LYRM4: variants seen among roughly 807,000 people sequenced by gnomAD.
The protein encoded by LYRM4 is LYR motif containing 4.
Under a neutral mutation model 11.7 loss-of-function variants are expected in LYRM4, and 9 were observed. The ratio of observed to expected loss-of-function variants is 0.77; its 90% confidence interval spans 0.46 to 1.34. The LOEUF is 1.34. Among genes scored for constraint, LYRM4 ranks in the 40% most tolerant of loss-of-function variants. The pLI, the probability that LYRM4 is intolerant of heterozygous loss-of-function variation, is 0.00. For synonymous variants in LYRM4, 42 were observed against 40.4 expected (o/e 1.04, Z -0.15); for missense variants, 133 against 112.5 (o/e 1.18, Z -0.82).
chr6:5,111,662 G>A (rs909801097), intron 2 of LYRM4, among the ~76,000 whole-genome samples: 2 of 152,182 alleles, frequency 1.3e-5, no homozygotes, highest in African/African-American at 4.8e-5. Context: ...TGACAGCCGC[G>A]TGGTCTCTGA....
At chr6:5,037,763 C>T in the LYRM4 span, among the ~76,000 whole-genome samples, 5 of 53,122 alleles carry the variant, frequency 9.4e-5, no homozygotes, top group African/African-American at 1.5e-4. Flanking sequence ...TAGGGGCGGC[C>T]GGGCAGAGGC....
At chr6:5,130,120 G>T (rs572002225) in intron 2 of LYRM4, among the ~76,000 whole-genome samples, 1 of 152,248 alleles carries the variant, frequency 6.6e-6, no homozygotes, top group South Asian at 2.1e-4. Flanking sequence ...GCCCTGAATA[G>T]ACTATGCTTC....
chr6:5,186,052 T>A (rs1446675342), intron 2 of LYRM4, among the ~76,000 whole-genome samples: 4 of 152,152 alleles, frequency 2.6e-5, no homozygotes, highest in African/African-American at 9.7e-5. Flanking sequence ...ACCCTGGGTA[T>A]CTGTGCAGGA....
intron 2 of LYRM4, among the ~76,000 whole-genome samples, chr6:5,152,936 T>C (rs1194457170): frequency 6.6e-6 from 1 of 152,236 alleles, no homozygotes; most frequent in Admixed American, 6.5e-5. Context: ...ATTTTATTTA[T>C]GTGACAACTA....
the LYRM4 span, among the ~76,000 whole-genome samples, chr6:5,095,305 G>T: frequency 2.5e-4 from 38 of 152,236 alleles, no homozygotes; most frequent in African/African-American, 8.7e-4. Flanking sequence ...AAATTTAACA[G>T]AGTTTAACCA....
the LYRM4 span, among the ~76,000 whole-genome samples, chr6:5,095,545 C>G: frequency 1.3e-5 from 2 of 152,156 alleles, no homozygotes; most frequent in African/African-American, 4.8e-5. Flanking sequence ...ATGATTGGCA[C>G]AAATGTAGGT....
chr6:5,110,311 A>G (rs1441374774), intron 2 of LYRM4, among the ~76,000 whole-genome samples: 1 of 104,346 alleles, frequency 9.6e-6, no homozygotes, highest in Non-Finnish European at 2.1e-5. Context: ...AAGCAAACAG[A>G]GCAGCCAGGG....
chr6:5,163,264 T>G (rs1468682700), intron 2 of LYRM4, among the ~76,000 whole-genome samples: 1 of 152,204 alleles, frequency 6.6e-6, no homozygotes, highest in African/African-American at 2.4e-5. Context: ...TCAAGACATC[T>G]TTCCCTTCAA....
At chr6:5,058,009 C>T in the LYRM4 span, among the ~76,000 whole-genome samples, 1 of 152,140 alleles carries the variant, frequency 6.6e-6, no homozygotes, top group East Asian at 1.9e-4. Context: ...GCCTCGGCCT[C>T]CCAAAGTGCT....
chr6:5,230,216 C>T (rs938299491), intron 1 of LYRM4, among the ~76,000 whole-genome samples: 2 of 152,202 alleles, frequency 1.3e-5, no homozygotes, highest in Admixed American at 1.3e-4. Flanking sequence ...CCACAGTTCC[C>T]TCTTGACATG....
At chr6:5,059,912 C>G in the LYRM4 span, among the ~76,000 whole-genome samples, 1 of 151,960 alleles carries the variant, frequency 6.6e-6, no homozygotes, top group Non-Finnish European at 1.5e-5. Context: ...GTGATCCTCC[C>G]GCCTCAGTCT....
At chr6:5,071,946 A>C in the LYRM4 span, among the ~76,000 whole-genome samples, 1 of 152,030 alleles carries the variant, frequency 6.6e-6, no homozygotes, top group Non-Finnish European at 1.5e-5. Context: ...CACCTGGCTC[A>C]TTAGCTGTTC....
chr6:5,251,959 A>G (rs770787958), intron 1 of LYRM4, among the ~76,000 whole-genome samples: 6 of 152,228 alleles, frequency 3.9e-5, no homozygotes, highest in Non-Finnish European at 7.3e-5. Context: ...ATGGCTCAAA[A>G]AGAAAACAGA....
intron 1 of LYRM4, among the ~76,000 whole-genome samples, chr6:5,218,780 TAC>T (rs917173101): frequency 6.6e-6 from 1 of 152,260 alleles, no homozygotes; most frequent in African/African-American, 2.4e-5. Context: ...ATACATCAGA[TAC>T]AGACTCTCCT....
chr6:5,057,135 C>G, the LYRM4 span, among the ~76,000 whole-genome samples: 3 of 152,128 alleles, frequency 2.0e-5, no homozygotes, highest in Non-Finnish European at 4.4e-5. Flanking sequence ...GTTAAAAAGG[C>G]AAATCATGTC....
At chr6:5,236,773 C>A (rs1469562643) in intron 1 of LYRM4, among the ~76,000 whole-genome samples, 9 of 149,652 alleles carry the variant, frequency 6.0e-5, no homozygotes, top group Non-Finnish European at 1.3e-4. Context: ...CACAGTGAGA[C>A]CCTGTCTCTA....
the LYRM4 span, among the ~76,000 whole-genome samples, chr6:5,070,401 A>G: frequency 6.6e-6 from 1 of 152,232 alleles, no homozygotes; most frequent in African/African-American, 2.4e-5. Flanking sequence ...GATGTTTACT[A>G]ACAGTATTAT....
chr6:5,146,555 T>A (rs1024303963), intron 2 of LYRM4, among the ~76,000 whole-genome samples: 4 of 152,100 alleles, frequency 2.6e-5, no homozygotes, highest in Non-Finnish European at 5.9e-5. Context: ...ACAGCTACCC[T>A]CCTTCCTTCT....
intron 2 of LYRM4, among the ~76,000 whole-genome samples, chr6:5,145,275 G>C (rs1757654378): frequency 6.6e-6 from 1 of 152,212 alleles, no homozygotes; most frequent in African/African-American, 2.4e-5. Context: ...GAGAGAAAGT[G>C]CAGTTTCGGT....
Sources: allele counts gnomAD v4.1 joint callset (sites outside exome capture counted in the v4.1 genomes callset), GRCh38; gene constraint gnomAD v4.1.1; transcripts MANE v1.5; gene names NCBI Gene and HGNC (gene_info 2026-07-23, HGNC 2026-07-21).